Variants in WSCD2 observed in about 807,000 individuals in gnomAD.
The protein encoded by WSCD2 is WSC domain sialate O sulfotransferase 2.
WSCD2 carries 28 observed loss-of-function variants against 55.7 expected under a neutral mutation model. That is an observed-to-expected ratio of 0.50 (90% CI 0.37 to 0.69). The LOEUF (loss-of-function observed/expected upper bound fraction) is 0.69, where lower values mean the gene tolerates loss of function less well. WSCD2 is among the 30% of genes least tolerant of loss of function. WSCD2 has a pLI of 0.00. For missense variants in WSCD2, 616 were observed against 762.1 expected (o/e 0.81, Z 2.26); for synonymous variants, 301 against 301.9 (o/e 1.00, Z 0.03).
intron 1 of WSCD2, among the ~76,000 whole-genome samples, chr12:108,178,071 G>C (rs1881136988): frequency 6.6e-6 from 1 of 152,114 alleles, no homozygotes; most frequent in Non-Finnish European, 1.5e-5. Flanking sequence ...AACACCACAT[G>C]CTGAGTAGCT....
At chr12:108,192,644 C>T (rs976105817) in intron 1 of WSCD2, among the ~76,000 whole-genome samples, 18 of 152,218 alleles carry the variant, frequency 1.2e-4, no homozygotes, top group African/African-American at 3.9e-4. Flanking sequence ...TGTTCCCAGC[C>T]CACAGTCCCC....
At chr12:108,244,823 A>G (rs1391556567) in intron 8 of WSCD2, among the ~76,000 whole-genome samples, 1 of 152,194 alleles carries the variant, frequency 6.6e-6, no homozygotes, top group Non-Finnish European at 1.5e-5. Context: ...GCAGGAGCTG[A>G]TCAGACCAGG....
In WSCD2 at chr12:108,186,347, C is replaced by T. The variant is rs191676295; in HGVS notation, c.-551-8935C>T. 1.7e-3 allele frequency among the ~76,000 whole-genome samples: 264 copies of T among 152,268 alleles called. 1 individual carries two copies. Among genetic ancestry groups the T allele is most frequent in the African/African-American group, 6.1e-3 (254 of 41,554 alleles). On this transcript the variant is annotated intron_variant, in intron 1 of 8. Transcript: ENST00000547525. ...GGTCCCTTTGTTACAGTTGATGAAC[C>T]TACACTGACACATCATTATCACTCA... is the stretch of plus-strand genomic sequence containing the variant.
rs191129586 is a variant in WSCD2 at position 108,180,516 on chromosome 12, T to C, written c.-551-14766T>C. 6.9e-4 allele frequency among the ~76,000 whole-genome samples: 105 copies of C among 152,352 alleles called. 1 individual carries two copies. Among genetic ancestry groups the C allele is most frequent in the African/African-American group, 2.3e-3 (94 of 41,582 alleles). On this transcript the variant is annotated intron_variant, in intron 1 of 8. Transcript: ENST00000547525. ...ACTCAATGAATGTTTGTTGAATGAATGGATGAGCTGTAGTTTGAATGTCGG... is the reference window on the plus strand; with the variant it reads ...ACTCAATGAATGTTTGTTGAATGAACGGATGAGCTGTAGTTTGAATGTCGG...
At chr12:108,243,831 C>T (rs1203208534) in intron 8 of WSCD2, among the ~76,000 whole-genome samples, 1 of 152,158 alleles carries the variant, frequency 6.6e-6, no homozygotes, top group Non-Finnish European at 1.5e-5. Context: ...CCAAGGTCAC[C>T]TAGCTATTGA....
At chr12:108,226,664 T>C (rs1198969285) in intron 5 of WSCD2, among the ~76,000 whole-genome samples, 1 of 152,214 alleles carries the variant, frequency 6.6e-6, no homozygotes, top group Non-Finnish European at 1.5e-5. Flanking sequence ...CTATATTATG[T>C]GCATTTACAG....
Position 108,166,746 on chromosome 12 carries a change from T to TTCTC in WSCD2, c.-551-28533_-551-28532insCTCT, listed in dbSNP as rs1879653229. 6.4e-5 allele frequency among the ~76,000 whole-genome samples: 3 copies of TTCTC among 46,744 alleles called. No homozygotes were observed. The Admixed American group carries it at 6.7e-4, about 10-fold the overall frequency. The allele number at this position is 46,744 out of a possible 152,430, so 30.7% of individuals were successfully genotyped here. On this transcript the variant is annotated intron_variant, in intron 1 of 8. Transcript: ENST00000547525. ...TCTTTCTCTTTCTTTCTTTCTTTCC[T>TTCTC]TCTTTCTTTCTTTCTTTTCTTTCTT...
chr12:108,206,906 T>C (rs1001059930), intron 3 of WSCD2, among the ~76,000 whole-genome samples: 10 of 152,240 alleles, frequency 6.6e-5, no homozygotes, highest in Admixed American at 1.3e-4. Flanking sequence ...TGCATGTGCA[T>C]GCAGATGAGT....
chr12:108,148,640 G>A (rs1331401809), intron 1 of WSCD2, among the ~76,000 whole-genome samples: 3 of 152,168 alleles, frequency 2.0e-5, no homozygotes, highest in Non-Finnish European at 1.5e-5. Context: ...GTAACATGAT[G>A]TGAGTAAAAA....
rs372689925 is a variant in WSCD2 at position 108,196,227 on chromosome 12, A to T, written c.382+13A>T. On this transcript the variant is annotated intron_variant, in intron 2 of 8. Coordinates refer to ENST00000547525, the MANE Select transcript of WSCD2 (RefSeq NM_014653.4). Reference sequence around the variant, plus strand: ...GAGGAAGAGCGAGGTAAGAGCGAGGAACATCTGGACACTGAGGGGCTGGGG... The same window carrying T: ...GAGGAAGAGCGAGGTAAGAGCGAGGTACATCTGGACACTGAGGGGCTGGGG... 1.0e-5 allele frequency: 16 copies of T among 1,606,736 alleles called. No homozygotes were observed. In the African/African-American group the frequency reaches 1.7e-4, roughly 17 times the overall value.
At chr12:108,184,486 T>A (rs1053402193) in intron 1 of WSCD2, among the ~76,000 whole-genome samples, 1 of 152,162 alleles carries the variant, frequency 6.6e-6, no homozygotes, top group East Asian at 1.9e-4. Context: ...GTGGTCAGTG[T>A]GGAACCAGCA....
chr12:108,169,852 T>C (rs1880046192), intron 1 of WSCD2, among the ~76,000 whole-genome samples: 1 of 152,180 alleles, frequency 6.6e-6, no homozygotes, highest in Admixed American at 6.5e-5. Flanking sequence ...TGGCAGTGAC[T>C]CTGTAAATTT....
At chr12:108,145,901 A>C (rs573350993) in intron 1 of WSCD2, among the ~76,000 whole-genome samples, 1 of 152,342 alleles carries the variant, frequency 6.6e-6, no homozygotes. Context: ...CTTGTTATAA[A>C]ATGCTCAAAA....
intron 1 of WSCD2, among the ~76,000 whole-genome samples, chr12:108,176,119 G>A (rs1183864440): frequency 3.3e-5 from 5 of 152,202 alleles, no homozygotes; most frequent in Admixed American, 6.5e-5. Flanking sequence ...GATTACAGGC[G>A]CGAGCCACCA....
chr12:108,192,473 G>T (rs1285338192), intron 1 of WSCD2, among the ~76,000 whole-genome samples: 1 of 152,160 alleles, frequency 6.6e-6, no homozygotes, highest in Non-Finnish European at 1.5e-5. Flanking sequence ...AGGACTGCTG[G>T]CTTTTTCTCA....
chr12:108,199,604 G>A lies in WSCD2; in HGVS notation c.382+3390G>A, dbSNP rs115059064. The stretch of plus-strand genomic sequence containing the variant: ...TAAAAAGTACTTAACATCAGATGGC[G>A]TTGTGATGATTACATAAGGTCAATT... On this transcript the variant is annotated intron_variant, in intron 2 of 8. Coordinates refer to ENST00000547525, the MANE Select transcript of WSCD2 (RefSeq NM_014653.4). Among the ~76,000 whole-genome samples the A allele has an allele frequency of 1.8e-3, 271 of 152,326 alleles. 1 individual carries two copies. Among genetic ancestry groups the A allele is most frequent in the African/African-American group, 6.4e-3 (264 of 41,568 alleles).
At chr12:108,224,935 G>C in intron 5 of WSCD2, 75 bp downstream of exon 5, 1 of 1,557,108 alleles carries the variant, frequency 6.4e-7, no homozygotes, top group South Asian at 1.2e-5. Flanking sequence ...CACATGCTTG[G>C]CTGGAGAAGC....
At chr12:108,234,934 A>G (rs1889131294) in intron 7 of WSCD2, among the ~76,000 whole-genome samples, 1 of 152,216 alleles carries the variant, frequency 6.6e-6, no homozygotes, top group South Asian at 2.1e-4. Flanking sequence ...CTGAAACAAA[A>G]TGCCTTAATC....
chr12:108,168,813 T>G (rs1173952024), intron 1 of WSCD2, among the ~76,000 whole-genome samples: 1 of 152,230 alleles, frequency 6.6e-6, no homozygotes, highest in Non-Finnish European at 1.5e-5. Flanking sequence ...CATTCTCTCC[T>G]GCACCTCAGT....
Sources: gnomAD v4.1 joint callset for allele counts (sites outside exome capture counted in the v4.1 genomes callset) on GRCh38, gnomAD v4.1.1 for gene constraint, MANE v1.5 for transcripts, NCBI Gene and HGNC (gene_info 2026-07-23, HGNC 2026-07-21) for gene names.